The following TP53I13 variants were observed in gnomAD, a reference collection of about 807,000 sequenced individuals.
TP53I13 encodes tumor protein p53 inducible protein 13, also known as tumor protein p53-inducible protein 13.
A neutral mutation model predicts 39.1 loss-of-function variants in TP53I13; 27 were observed. That is an observed-to-expected ratio of 0.69 (90% CI 0.51 to 0.95). TP53I13 has a LOEUF of 0.95. Among genes scored for constraint, TP53I13 ranks in the 40% least tolerant of loss-of-function variants. TP53I13 has a pLI of 0.00. For synonymous variants in TP53I13, 230 were observed against 224.6 expected, an observed-to-expected ratio of 1.02 and a Z score of -0.22; for missense variants, 544 against 520.4, an observed-to-expected ratio of 1.05 and a Z score of -0.44.
chr17:29,567,430 C>G (rs2032748553), upstream of TP53I13: 1 of 151,998 alleles, frequency 6.6e-6, no homozygotes, highest in African/African-American at 2.4e-5. This position sits in a 1 kb window ranked among gnomAD's most constrained non-coding sequence, Gnocchi z 6.6. Context: ...GTCGCAGCTC[C>G]GGGCGCCGGC....
chr17:29,579,780 C>T, the TP53I13 span, among the ~76,000 whole-genome samples: 1 of 152,134 alleles, frequency 6.6e-6, no homozygotes, highest in Non-Finnish European at 1.5e-5. Context: ...CCTCTCCTCC[C>T]TGAAAAATAG....
the TP53I13 span, chr17:29,578,454 T>C: frequency 7.6e-7 from 1 of 1,318,660 alleles, no homozygotes; most frequent in Non-Finnish European, 1.1e-6. Context: ...TTGTGAGCCT[T>C]GGGGAACCGG....
rs1183075323 is a variant in TP53I13, at chr17:29,571,845, C to T, written c.313-12C>T. Reference sequence around the variant, plus strand: ...CCTTCCTCGTAGCTCTAACAGTTACCTCCTCTCGTAGCCCCTGGTGCTGAC... The same window carrying T: ...CCTTCCTCGTAGCTCTAACAGTTACTTCCTCTCGTAGCCCCTGGTGCTGAC... On this transcript the variant is annotated splice_polypyrimidine_tract_variant and intron_variant, in intron 4 of 6. Transcript: ENST00000301057. 1 of 1,613,264 alleles carries T rather than the reference C, an allele frequency of 6.2e-7. No individual in the cohort carries two copies. The highest frequency in any genetic ancestry group is 1.6e-4 in the Middle Eastern group (1 of 6,062).
At chr17:29,574,285 G>A, downstream of TP53I13, 1 of 229,472 alleles carries the variant, frequency 4.4e-6, no homozygotes. Flanking sequence ...ATGTACAAAG[G>A]AGGGGATGCC....
chr17:29,569,147 G>A (rs1480967907), intron 2 of TP53I13, 61 bp downstream of exon 2: 1 of 1,528,274 alleles, frequency 6.5e-7, no homozygotes, highest in African/African-American at 1.4e-5. Flanking sequence ...GTCCCGCTCT[G>A]TTCTCGCCGC....
At position 29,572,327 on chromosome 17, in the gene TP53I13, GCAGTC is replaced by G; in HGVS notation, c.702_706del (p.Gln234HisfsTer7). 1 of 1,611,992 alleles carries G rather than the reference GCAGTC, an allele frequency of 6.2e-7. No homozygotes were observed. Among genetic ancestry groups the G allele is most frequent in the Non-Finnish European group, 8.5e-7 (1 of 1,179,250 alleles). On this transcript the variant is annotated frameshift_variant, in exon 6 of 7. Transcript: ENST00000301057. LOFTEE classifies it high-confidence loss of function. ...CTTCCCCAGGGAGCTTGAAGGCCAA[GCAGTC>G]CATGGCGGGAATCCCTGGTAGGGAG...
intron 6 of TP53I13, 50 bp from the exon 7 acceptor site, chr17:29,572,762 C>G: frequency 6.6e-7 from 1 of 1,510,786 alleles, no homozygotes; most frequent in South Asian, 1.3e-5. Flanking sequence ...CGCCGCCCCC[C>G]GTAGCTTCCC....
At position 29,571,710 on chromosome 17, in the gene TP53I13, G is replaced by C. The variant is rs779484881; in HGVS notation, c.303G>C (p.Thr101=). The C allele has an allele frequency of 6.2e-7, 1 of 1,614,066 alleles. No individual in the cohort carries two copies. Among genetic ancestry groups the C allele is most frequent in the Admixed American group, 1.7e-5 (1 of 60,034 alleles). The part of the protein sequence containing the change: ...NPSLTPDFSL[T]QDRPLVLTAW... ...CCCTCACCCCTGACTTCAGCCTCAC[G>C]CAGGATCGGGTATGTAGCTGATGAA... is the stretch of plus-strand genomic sequence containing the variant. Residue 101 remains threonine, a synonymous_variant, in exon 4 of 7, where the codon ACG becomes ACC. Transcript: ENST00000301057.
chr17:29,580,753 G>A, the TP53I13 span, among the ~76,000 whole-genome samples: 9 of 151,958 alleles, frequency 5.9e-5, no homozygotes, highest in South Asian at 2.1e-4. Context: ...CCTCCCAGCC[G>A]GAGGTAGCTT....
chr17:29,571,700 T>G lies in TP53I13; in HGVS notation c.293T>G (p.Phe98Cys). The change falls in exon 4 of 7, where the codon TTC (phenylalanine) becomes TGC (cysteine). Residue 98 changes from phenylalanine to cysteine, a missense_variant. Physicochemically the swap from Phe to Cys is radical, Grantham distance 205 (BLOSUM62 -2). Transcript: ENST00000301057. ...GCTAACCCTTCCCTCACCCCTGACT[T>G]CAGCCTCACGCAGGATCGGGTATGT... ...CMANPSLTPD[F>C]SLTQDRPLVL... The G allele has an allele frequency of 6.2e-7, 1 of 1,614,096 alleles. No homozygotes were observed. Among genetic ancestry groups the G allele is most frequent in the Non-Finnish European group, 8.5e-7 (1 of 1,180,016 alleles).
chr17:29,569,160 C>A, intron 2 of TP53I13, 74 bp downstream of exon 2: 1 of 1,505,832 alleles, frequency 6.6e-7, no homozygotes, highest in Non-Finnish European at 9.0e-7. Flanking sequence ...CTCGCCGCAC[C>A]CTCCACAGTC....
downstream of TP53I13, chr17:29,574,856 C>T (rs755007238): frequency 1.3e-6 from 2 of 1,598,778 alleles, no homozygotes; most frequent in Admixed American, 3.5e-5. Context: ...ACTCTGCAGC[C>T]GGTAGGCGCT....
In TP53I13 at chr17:29,572,875, T is replaced by A; in HGVS notation, c.1133T>A (p.Leu378His). 6.6e-7 allele frequency: 1 copy of A among 1,517,848 alleles called. No homozygotes were observed. The highest frequency in any genetic ancestry group is 8.8e-7 in the Non-Finnish European group (1 of 1,140,196). 94.0% of individuals were successfully genotyped at this position (1,517,848 alleles called of 1,614,324 possible). ...GTCAAGCGCTCGCGCCGGAGACCCC[T>A]CCTCCCGCCCACGCCGGACAGCGGC... ...RRVKRSRRRPLLPPTPDSGPE... is the reference protein window; with the variant it reads ...RRVKRSRRRPHLPPTPDSGPE... Residue 378 changes from leucine (L) to histidine (H), a missense_variant, in exon 7 of 7, where the codon CTC becomes CAC. Transcript: ENST00000301057.
At position 29,572,326 on chromosome 17, in the gene TP53I13, A is replaced by C; in HGVS notation, c.698A>C (p.Lys233Thr). Residue 233 changes from lysine (K) to threonine (T), a missense_variant, in exon 6 of 7, where the codon AAG (lysine) becomes ACG (threonine). Lys to Thr is a moderately conservative substitution (Grantham distance 78, BLOSUM62 -1). Transcript: ENST00000301057. ...PSASPGSLKA[K>T]QSMAGIPGRE... ...GCTTCCCCAGGGAGCTTGAAGGCCA[A>C]GCAGTCCATGGCGGGAATCCCTGGT... The C allele has an allele frequency of 1.2e-6, 2 of 1,612,496 alleles. No individual in the cohort carries two copies. Among genetic ancestry groups the C allele is most frequent in the Non-Finnish European group, 1.7e-6 (2 of 1,179,626 alleles).
At chr17:29,578,820 A>G in the TP53I13 span, 1 of 1,601,820 alleles carries the variant, frequency 6.2e-7, no homozygotes, top group Non-Finnish European at 8.6e-7. Context: ...GAGAGGAGAG[A>G]CCTGAGAGGT....
At chr17:29,568,332 G>C (rs2150795064), upstream of TP53I13, 1 of 152,490 alleles carries the variant, frequency 6.6e-6, no homozygotes. This position sits in a 1 kb window ranked among gnomAD's most constrained non-coding sequence, Gnocchi z 4.5. Flanking sequence ...CGTCTCCCCA[G>C]CCTGGGCCAC....
chr17:29,568,697 G>T, upstream of TP53I13: 2 of 1,138,662 alleles, frequency 1.8e-6, no homozygotes, highest in South Asian at 2.2e-5. This position sits in a 1 kb window ranked among gnomAD's most constrained non-coding sequence, Gnocchi z 4.5. Context: ...GAGGGGCGGG[G>T]CGCGCGCGCT....
At chr17:29,567,035 C>T (rs2032734778), upstream of TP53I13, 2 of 1,199,494 alleles carry the variant, frequency 1.7e-6, no homozygotes, top group Admixed American at 8.9e-5. This position sits in a 1 kb window ranked among gnomAD's most constrained non-coding sequence, Gnocchi z 6.6. Flanking sequence ...CCGCGCTTTG[C>T]CCGCGGCTCC....
At chr17:29,569,505 C>T (rs923129532) in intron 3 of TP53I13, 146 bp downstream of exon 3, 4 of 734,114 alleles carry the variant, frequency 5.4e-6, no homozygotes, top group African/African-American at 5.3e-5. Flanking sequence ...TCTGCCCCAC[C>T]TCCAAGCCCA....
Sources: gnomAD v4.1 joint callset for allele counts (sites outside exome capture counted in the v4.1 genomes callset) on GRCh38, gnomAD v4.1.1 for gene constraint, Gnocchi (gnomAD v3.1) non-coding constraint, MANE v1.5 for transcripts, NCBI Gene and HGNC (gene_info 2026-07-23, HGNC 2026-07-21) for gene names.